CDKL1: variants seen among roughly 807,000 people sequenced by gnomAD.
CDKL1 encodes cyclin-dependent kinase-like 1.
CDKL1 carries 41 observed loss-of-function variants against 42.0 expected under a neutral mutation model. That is an observed-to-expected ratio of 0.98 (90% CI 0.76 to 1.27). The LOEUF (loss-of-function observed/expected upper bound fraction) is 1.27. Ranked by LOEUF, CDKL1 falls within the 50% of genes most tolerant of loss-of-function variation. The pLI is 0.00. For synonymous variants in CDKL1, 153 were observed against 158.6 expected, an observed-to-expected ratio of 0.96 and a Z score of 0.26; for missense variants, 394 against 428.4, an observed-to-expected ratio of 0.92 and a Z score of 0.71.
chr14:50,380,017 A>G (rs1446046583), intron 2 of CDKL1: 5 of 447,398 alleles, frequency 1.1e-5, no homozygotes, highest in Non-Finnish European at 2.3e-5. Context: ...TGGGCTTAAC[A>G]GGTCCATGAA....
chr14:50,346,404 T>C (rs1218042301), intron 3 of CDKL1, among the ~76,000 whole-genome samples: 1 of 152,080 alleles, frequency 6.6e-6, no homozygotes. Flanking sequence ...GAAAAAAGGC[T>C]TAGAAAAATG....
Position 50,332,419 on chromosome 14 carries a change from A to C in CDKL1, c.809T>G (p.Met270Arg). The C allele has an allele frequency of 6.2e-7, 1 of 1,610,798 alleles. No homozygotes were observed. Among genetic ancestry groups the C allele is most frequent in the Non-Finnish European group, 8.5e-7 (1 of 1,179,130 alleles). ...ACATGTCAGCCTTTGAGTAGGGTCC[A>C]TGTGGAGACAGCCCTAAAAGAACAG... ...ALGLLKGCLH[M>R]DPTQRLTCEQ... Residue 270 changes from methionine to arginine, a missense_variant, in exon 9 of 10, where the codon ATG (methionine) becomes AGG (arginine). Met to Arg is a moderately conservative substitution (Grantham distance 91, BLOSUM62 -1). Coordinates refer to ENST00000395834, the MANE Select transcript of CDKL1 (RefSeq NM_004196.7).
At chr14:50,375,391 C>A (rs897910913) in intron 2 of CDKL1, among the ~76,000 whole-genome samples, 3 of 152,254 alleles carry the variant, frequency 2.0e-5, no homozygotes, top group Admixed American at 6.5e-5. Context: ...TGATACTCCA[C>A]CTTCAGGGAC....
At chr14:50,375,784 G>A (rs1316600187) in intron 2 of CDKL1, among the ~76,000 whole-genome samples, 3 of 151,766 alleles carry the variant, frequency 2.0e-5, no homozygotes, top group African/African-American at 4.8e-5. Flanking sequence ...GCAACAGAGC[G>A]AGACTCCATC....
At chr14:50,348,547 C>T (rs1446132938) in intron 3 of CDKL1, among the ~76,000 whole-genome samples, 2 of 152,156 alleles carry the variant, frequency 1.3e-5, no homozygotes, top group East Asian at 3.8e-4. Context: ...TCTGGGAAAC[C>T]CGGCAGGCAG....
intron 3 of CDKL1, among the ~76,000 whole-genome samples, chr14:50,355,424 G>C (rs539223979): frequency 6.6e-6 from 1 of 152,262 alleles, no homozygotes; most frequent in South Asian, 2.1e-4. Flanking sequence ...CTCCAGCAGA[G>C]TACTTCATAA....
intron 2 of CDKL1, among the ~76,000 whole-genome samples, chr14:50,369,163 G>T (rs568445344): frequency 1.2e-4 from 18 of 152,028 alleles, no homozygotes; most frequent in Admixed American, 1.2e-3. Context: ...CACCACGCCC[G>T]GCCGCTACCC....
intron 3 of CDKL1, among the ~76,000 whole-genome samples, chr14:50,346,434 G>C (rs555848580): frequency 6.6e-6 from 1 of 152,058 alleles, no homozygotes; most frequent in East Asian, 1.9e-4. Context: ...TGAGACATTA[G>C]GGGGAATGCT....
chr14:50,342,983 C>T (rs772363693), intron 4 of CDKL1: 18 of 1,354,828 alleles, frequency 1.3e-5, no homozygotes, highest in Admixed American at 3.9e-5. Flanking sequence ...CCTCGAGATG[C>T]GGCCCCCCCT....
intron 3 of CDKL1, among the ~76,000 whole-genome samples, chr14:50,347,517 G>C (rs886858089): frequency 3.3e-5 from 5 of 152,200 alleles, no homozygotes; most frequent in Admixed American, 3.3e-4. Context: ...AGGATTTTCT[G>C]AGGGATTGGA....
chr14:50,342,178 T>C lies in CDKL1; in HGVS notation c.408A>G (p.Lys136=). Reference sequence around the variant, plus strand: ...AGTCACAAAGCTTAATCACGGAATGTTTCGTGATGAGGATATTTTCTGGCT... The same window carrying C: ...AGTCACAAAGCTTAATCACGGAATGCTTCGTGATGAGGATATTTTCTGGCT... ...DVKPENILIT[K]HSVIKLCDFG... Residue 136 remains lysine, a synonymous_variant, in exon 5 of 10, where the codon AAA becomes AAG. Transcript: ENST00000395834. The C allele has an allele frequency of 6.2e-7, 1 of 1,614,104 alleles. No individual in the cohort carries two copies. Among genetic ancestry groups the C allele is most frequent in the Non-Finnish European group, 8.5e-7 (1 of 1,179,992 alleles).
At chr14:50,344,428 T>G (rs1250203626) in intron 4 of CDKL1, among the ~76,000 whole-genome samples, 1 of 151,746 alleles carries the variant, frequency 6.6e-6, no homozygotes, top group Non-Finnish European at 1.5e-5. Context: ...GAGTAGTTTC[T>G]AAGCAGTATA....
chr14:50,353,514 A>G (rs1212868581), intron 3 of CDKL1, among the ~76,000 whole-genome samples: 1 of 107,274 alleles, frequency 9.3e-6, no homozygotes, highest in Non-Finnish European at 2.0e-5. Context: ...TTGTAAAAAA[A>G]GAATATATTA....
At chr14:50,344,468 GT>G (rs138592023) in intron 4 of CDKL1, among the ~76,000 whole-genome samples, 36,178 of 130,646 alleles carry the variant, frequency 0.28, 5,920 homozygotes, top group African/African-American at 0.5. Context: ...GTTCTTTGTG[GT>G]TTTTTTTTTT....
At chr14:50,344,468 G>GT (rs138592023) in intron 4 of CDKL1, among the ~76,000 whole-genome samples, 15,817 of 130,192 alleles carry the variant, frequency 0.12, 1,116 homozygotes, top group Admixed American at 0.18. Flanking sequence ...GTTCTTTGTG[G>GT]TTTTTTTTTT....
At chr14:50,385,417 A>G (rs1476476144) in intron 2 of CDKL1, among the ~76,000 whole-genome samples, 2 of 152,204 alleles carry the variant, frequency 1.3e-5, no homozygotes, top group African/African-American at 4.8e-5. Context: ...CACAAAACAG[A>G]TGGCCTGGAC....
chr14:50,365,807 C>T (rs1014653978), intron 2 of CDKL1, among the ~76,000 whole-genome samples: 1 of 152,230 alleles, frequency 6.6e-6, no homozygotes, highest in African/African-American at 2.4e-5. Context: ...GCTGCCAGCA[C>T]AGCTAGAATA....
At chr14:50,330,313 T>G (rs2032867449) in intron 9 of CDKL1, 132 bp from the exon 10 acceptor site, 1 of 1,106,720 alleles carries the variant, frequency 9.0e-7, no homozygotes, top group South Asian at 1.7e-5. Flanking sequence ...ATCCAGGACT[T>G]GAGAGAGGAT....
chr14:50,363,071 T>G (rs773483959), intron 2 of CDKL1: 1 of 393,888 alleles, frequency 2.5e-6, no homozygotes, highest in African/African-American at 2.1e-5. Flanking sequence ...ACACACTGCC[T>G]TAAGAGCTGT....
Sources: allele counts gnomAD v4.1 joint callset (sites outside exome capture counted in the v4.1 genomes callset), GRCh38; gene constraint gnomAD v4.1.1; transcripts MANE v1.5; gene names NCBI Gene and HGNC (gene_info 2026-07-23, HGNC 2026-07-21).